Variants in ATP8B4 observed in about 807,000 individuals in gnomAD.
ATP8B4 encodes ATPase phospholipid transporting 8B4 (putative), also known as probable phospholipid-transporting ATPase IM.
ATP8B4 carries 133 observed loss-of-function variants against 145.6 expected under a neutral mutation model. That is an observed-to-expected ratio of 0.91 (90% CI 0.79 to 1.05). The LOEUF is 1.05. ATP8B4 is among the 50% of genes least tolerant of loss of function. The pLI, the probability that ATP8B4 is intolerant of heterozygous loss-of-function variation, is 0.00. For missense variants in ATP8B4, 1,458 were observed against 1,425.2 expected, an observed-to-expected ratio of 1.02 and a Z score of -0.37; for synonymous variants, 507 against 492.9, an observed-to-expected ratio of 1.03 and a Z score of -0.38.
At chr15:50,066,049 C>T (rs534832577) in intron 3 of ATP8B4, among the ~76,000 whole-genome samples, 48 of 142,210 alleles carry the variant, frequency 3.4e-4, no homozygotes, top group African/African-American at 1.2e-3. Flanking sequence ...ATTAGGGAAA[C>T]AAGAAACCAG....
At chr15:50,038,215 A>C (rs889220383) in intron 6 of ATP8B4, among the ~76,000 whole-genome samples, 2 of 152,212 alleles carry the variant, frequency 1.3e-5, no homozygotes, top group African/African-American at 4.8e-5. Flanking sequence ...GGATAAATGC[A>C]TGTGTTTTTA....
rs374378684 is a variant in ATP8B4 at position 49,920,280 on chromosome 15, G to A, written c.1889C>T (p.Ala630Val). The A allele has an allele frequency of 6.2e-7, 1 of 1,613,976 alleles. No homozygotes were observed. Among genetic ancestry groups the A allele is most frequent in the African/African-American group, 1.3e-5 (1 of 74,884 alleles). ...AATEERDERI[A>V]GLYEEIERDL... ...TCTTTCAATTTCTTCATATAGCCCAGCTATTCGTTCATCCCTCTCTTCTGT... is the reference window on the plus strand; with the variant it reads ...TCTTTCAATTTCTTCATATAGCCCAACTATTCGTTCATCCCTCTCTTCTGT... Residue 630 changes from alanine to valine, a missense_variant, in exon 18 of 28, where the codon GCT (alanine) becomes GTT (valine). Transcript: ENST00000284509.
At chr15:49,895,312 T>C (rs1419056585) in intron 23 of ATP8B4, 1 of 152,246 alleles carries the variant, frequency 6.6e-6, no homozygotes, top group East Asian at 1.9e-4. Flanking sequence ...GTTCTCAAAG[T>C]ACAGTTCTAG....
chr15:49,871,475 A>G lies in ATP8B4; in HGVS notation c.3027+4803T>C, dbSNP rs144753648. Among the ~76,000 whole-genome samples the G allele has an allele frequency of 7.6e-3, 1,158 of 152,290 alleles. 6 individuals carry two copies. The highest frequency in any genetic ancestry group is 0.013 in the Non-Finnish European group (881 of 68,012). ...TCTATAAAAGCAGCCCATAATATTTACTGCATAATGGCATCATGAGGAGCA... is the reference window on the plus strand; with the variant it reads ...TCTATAAAAGCAGCCCATAATATTTGCTGCATAATGGCATCATGAGGAGCA... On this transcript the variant is annotated intron_variant, in intron 25 of 27. Transcript: ENST00000284509.
intron 3 of ATP8B4, among the ~76,000 whole-genome samples, chr15:50,072,942 CT>C (rs2053858943): frequency 8.4e-5 from 2 of 23,876 alleles, no homozygotes; most frequent in Non-Finnish European, 1.5e-4. Context: ...CTCTCTCTCT[CT>C]CTCTCTCTCT....
intron 12 of ATP8B4, 123 bp downstream of exon 12, chr15:49,979,494 G>T: frequency 1.4e-6 from 1 of 706,938 alleles, no homozygotes; most frequent in Non-Finnish European, 2.1e-6. Context: ...TGTAACAGAT[G>T]TTGCAGATCA....
intron 10 of ATP8B4, among the ~76,000 whole-genome samples, chr15:49,982,042 G>A (rs2046200287): frequency 6.6e-6 from 1 of 152,098 alleles, no homozygotes. Context: ...ATGCTAAATA[G>A]AAGCAATTAA....
At chr15:49,932,408 A>G (rs2153466963) in intron 15 of ATP8B4, among the ~76,000 whole-genome samples, 1 of 152,126 alleles carries the variant, frequency 6.6e-6, no homozygotes, top group South Asian at 2.1e-4. Context: ...ACTTAATACA[A>G]TAGACATGAA....
intron 8 of ATP8B4, among the ~76,000 whole-genome samples, chr15:49,997,535 A>T (rs551462382): frequency 6.6e-6 from 1 of 152,214 alleles, no homozygotes; most frequent in South Asian, 2.1e-4. Flanking sequence ...TTCAGTCAAC[A>T]AATATTGATT....
At chr15:50,161,241 T>C (rs1414590964) in intron 1 of ATP8B4, among the ~76,000 whole-genome samples, 2 of 152,144 alleles carry the variant, frequency 1.3e-5, no homozygotes, top group Admixed American at 1.3e-4. Flanking sequence ...ATCCCTTTAT[T>C]TTCTATGTAT....
intron 5 of ATP8B4, among the ~76,000 whole-genome samples, chr15:50,040,349 C>T (rs1028733480): frequency 1.1e-4 from 17 of 152,204 alleles, no homozygotes; most frequent in Non-Finnish European, 2.5e-4. Flanking sequence ...CATTCCTTTG[C>T]CTCTTCAGGT....
intron 13 of ATP8B4, among the ~76,000 whole-genome samples, chr15:49,972,058 T>C (rs2045195486): frequency 6.6e-6 from 1 of 152,046 alleles, no homozygotes; most frequent in South Asian, 2.1e-4. Flanking sequence ...CACTCGTAAG[T>C]GGGAACTGAA....
At chr15:49,869,468 G>C (rs183239504) in intron 25 of ATP8B4, among the ~76,000 whole-genome samples, 22 of 151,820 alleles carry the variant, frequency 1.4e-4, no homozygotes, top group Non-Finnish European at 1.5e-5. Flanking sequence ...AAAAGCAAGA[G>C]AAGAAAACTA....
At chr15:50,156,002 TG>T (rs1230156686) in intron 1 of ATP8B4, among the ~76,000 whole-genome samples, 15 of 147,660 alleles carry the variant, frequency 1.0e-4, no homozygotes, top group Non-Finnish European at 2.2e-4. Flanking sequence ...TAGCTAGGAC[TG>T]GCTGACTGGT....
intron 1 of ATP8B4, among the ~76,000 whole-genome samples, chr15:50,179,862 A>G (rs979529460): frequency 1.3e-5 from 2 of 152,206 alleles, no homozygotes; most frequent in Admixed American, 1.3e-4. Context: ...CCCAGCTTAC[A>G]GTATTTTGTT....
intron 2 of ATP8B4, among the ~76,000 whole-genome samples, chr15:50,084,041 C>A (rs770632029): frequency 5.3e-5 from 8 of 152,164 alleles, no homozygotes; most frequent in Non-Finnish European, 7.4e-5. Flanking sequence ...AGCATCCCTG[C>A]CTGTCCCAGG....
intron 6 of ATP8B4, among the ~76,000 whole-genome samples, chr15:50,030,717 G>A (rs1339874712): frequency 6.6e-6 from 1 of 152,124 alleles, no homozygotes; most frequent in Admixed American, 6.5e-5. Flanking sequence ...AAGAGAAAAA[G>A]AGAACAGCTA....
chr15:50,008,151 G>A (rs1336104352), intron 7 of ATP8B4, among the ~76,000 whole-genome samples: 2 of 152,138 alleles, frequency 1.3e-5, no homozygotes, highest in Non-Finnish European at 2.9e-5. Context: ...CCCCACCACA[G>A]GGATTTGCTT....
At chr15:50,022,811 A>T (rs1490991265) in intron 6 of ATP8B4, among the ~76,000 whole-genome samples, 1 of 152,250 alleles carries the variant, frequency 6.6e-6, no homozygotes, top group Non-Finnish European at 1.5e-5. Flanking sequence ...CCTTGGGCTC[A>T]GGGATGGTAT....
Sources: allele counts gnomAD v4.1 joint callset (sites outside exome capture counted in the v4.1 genomes callset), GRCh38; gene constraint gnomAD v4.1.1; transcripts MANE v1.5; gene names NCBI Gene and HGNC (gene_info 2026-07-23, HGNC 2026-07-21).